The following EYA3 variants were observed in gnomAD, a reference collection of about 807,000 sequenced individuals.
The protein encoded by EYA3 is EYA transcriptional coactivator and phosphatase 3.
A neutral mutation model predicts 80.0 loss-of-function variants in EYA3; 39 were observed. The observed-to-expected ratio is 0.49, with a 90% CI of 0.38 to 0.64. EYA3 has a LOEUF of 0.64. EYA3 is among the 30% of genes least tolerant of loss of function. The pLI is 0.00. For missense variants in EYA3, 523 were observed against 676.1 expected (o/e 0.77, Z 2.51); for synonymous variants, 206 against 232.8 (o/e 0.88, Z 1.05).
Position 28,002,994 on chromosome 1 carries a change from C to T in EYA3, c.993+1342G>A, listed in dbSNP as rs181349767. On this transcript the variant is annotated intron_variant, in intron 11 of 17. Coordinates refer to ENST00000373871, the MANE Select transcript of EYA3 (RefSeq NM_001990.4). ...AATTAGGGCTGGGCGCAGTGGCTCA[C>T]GCTTGTAATCCCAGCATTTTGGGAG... Among the ~76,000 whole-genome samples the T allele has an allele frequency of 2.6e-5, 4 of 151,288 alleles. No homozygotes were observed. The East Asian group carries it at 5.9e-4, about 22-fold the overall frequency.
At chr1:28,022,177 C>T (rs904288685) in intron 7 of EYA3, among the ~76,000 whole-genome samples, 1 of 152,122 alleles carries the variant, frequency 6.6e-6, no homozygotes, top group African/African-American at 2.4e-5. Context: ...GAGACAGAGT[C>T]TCGCTCTGTC....
intron 7 of EYA3, among the ~76,000 whole-genome samples, chr1:28,018,151 G>A (rs1045094945): frequency 2.0e-5 from 3 of 151,670 alleles, no homozygotes; most frequent in East Asian, 1.9e-4. Flanking sequence ...AGCCAAAATC[G>A]CATGACTGCA....
At chr1:28,050,971 C>T (rs1338720792) in intron 2 of EYA3, among the ~76,000 whole-genome samples, 1 of 152,126 alleles carries the variant, frequency 6.6e-6, no homozygotes, top group Non-Finnish European at 1.5e-5. Flanking sequence ...ATAATGAATA[C>T]TGAAAACTAC....
intron 11 of EYA3, among the ~76,000 whole-genome samples, chr1:28,002,409 TATTTTATAAATATATATATAATTTTTTTA>T (rs1221649645): frequency 2.6e-5 from 4 of 151,100 alleles, no homozygotes; most frequent in African/African-American, 7.3e-5. Context: ...CGCCTGGTCT[TATTTTATAAATATATATATAATTTTTTTA>T]ATTTTATATA....
chr1:28,048,122 G>A (rs939041958), intron 3 of EYA3, among the ~76,000 whole-genome samples: 3 of 152,032 alleles, frequency 2.0e-5, no homozygotes, highest in African/African-American at 7.2e-5. Context: ...CCTCTATGTA[G>A]CACAGTGCCT....
chr1:27,974,476 T>C lies in EYA3; in HGVS notation c.1712A>G (p.Asp571Gly). ...TCCTCATTCCAGTTCTTAGAGAAAA[T>C]CAAGCTCTAAAGCCTGGTGAAGGGA... ...LVSLHQALEL[D>G]FL The change falls in exon 18 of 18, where the codon GAT becomes GGT. Residue 571 changes from aspartate (D) to glycine (G), a missense_variant. Coordinates refer to ENST00000373871, the MANE Select transcript of EYA3 (RefSeq NM_001990.4). 6.2e-7 allele frequency: 1 copy of C among 1,612,404 alleles called. No individual in the cohort carries two copies. The highest frequency in any genetic ancestry group is 1.1e-5 in the South Asian group (1 of 91,000).
chr1:28,071,067 C>T (rs1216592415), intron 1 of EYA3, among the ~76,000 whole-genome samples: 2 of 152,090 alleles, frequency 1.3e-5, no homozygotes, highest in East Asian at 1.9e-4. Flanking sequence ...GGATTACAGG[C>T]GCCTACCACC....
rs924410801 is a variant in EYA3 at position 28,085,155 on chromosome 1, A to G, written c.-69+3369T>C. On this transcript the variant is annotated intron_variant, in intron 1 of 17. Coordinates refer to ENST00000373871, the MANE Select transcript of EYA3 (RefSeq NM_001990.4). ...GTATACTTTGTTTCTTAAATTTTCA[A>G]AACTACATCAGCCGCCTGTGGGTGG... 7.2e-5 allele frequency among the ~76,000 whole-genome samples: 11 copies of G among 152,134 alleles called. No homozygotes were observed. The South Asian group carries it at 1.2e-3, about 17-fold the overall frequency.
chr1:28,013,061 T>A lies in EYA3; in HGVS notation c.769+50A>T, dbSNP rs757723355. Reference sequence around the variant, plus strand: ...ATCCTTACCATTGCCTAAAAACAACTGTTGGATGAAGTGACCTTAAGCCAA... The same window carrying A: ...ATCCTTACCATTGCCTAAAAACAACAGTTGGATGAAGTGACCTTAAGCCAA... On this transcript the variant is annotated intron_variant, in intron 9 of 17. Transcript: ENST00000373871. The surrounding 1 kb of genome is among the most constrained non-coding windows in gnomAD (Gnocchi z 4.0). The A allele has an allele frequency of 1.3e-6, 2 of 1,555,774 alleles. No individual in the cohort carries two copies. The highest frequency in any genetic ancestry group is 1.2e-5 in the South Asian group (1 of 84,174).
intron 1 of EYA3, among the ~76,000 whole-genome samples, chr1:28,078,911 T>G (rs554920213): frequency 1.2e-4 from 18 of 152,180 alleles, no homozygotes; most frequent in African/African-American, 4.3e-4. Context: ...ATGTGTCTCA[T>G]AATGGAACAA....
chr1:27,978,616 A>G, intron 16 of EYA3, 142 bp from the exon 17 acceptor site: 2 of 614,996 alleles, frequency 3.3e-6, no homozygotes, highest in Non-Finnish European at 5.8e-6. Flanking sequence ...GGGAGTAGGG[A>G]TGGGAGCTAG....
chr1:27,987,319 T>C (rs1234901639), intron 16 of EYA3, among the ~76,000 whole-genome samples: 10 of 152,228 alleles, frequency 6.6e-5, no homozygotes, highest in African/African-American at 2.4e-4. Context: ...CCAAATAATA[T>C]TTCACTGTAC....
At chr1:28,076,260 CTAACA>C (rs1337367629) in intron 1 of EYA3, among the ~76,000 whole-genome samples, 2 of 152,178 alleles carry the variant, frequency 1.3e-5, no homozygotes, top group Non-Finnish European at 1.5e-5. Flanking sequence ...GGAGGCATGA[CTAACA>C]TATCATAGTA....
chr1:28,057,989 C>A lies in EYA3; in HGVS notation c.33+5G>T. ...CAACTTTAAACTGTTAAAGGAAATACTTACTGGTTGCTCTGGTAAATCTTG... is the reference window on the plus strand; with the variant it reads ...CAACTTTAAACTGTTAAAGGAAATAATTACTGGTTGCTCTGGTAAATCTTG... On this transcript the variant is annotated splice_donor_5th_base_variant and intron_variant, in intron 2 of 17. Transcript: ENST00000373871. 6.3e-7 allele frequency: 1 copy of A among 1,575,268 alleles called. No homozygotes were observed. Among genetic ancestry groups the A allele is most frequent in the Non-Finnish European group, 8.7e-7 (1 of 1,153,130 alleles).
rs1224437560 is a variant in EYA3, at chr1:27,993,449, G to A, written c.1254C>T (p.Arg418=). The change falls in exon 14 of 18, where the codon CGC becomes CGT. Residue 418 remains arginine (R), a synonymous_variant. Transcript: ENST00000373871. ...CATAGATTTCTCTCACTTTCCGGTA[G>A]CGGAAAGCTAGTTTCCTCATCCAGT... ...GVDWMRKLAF[R]YRKVREIYDK... The A allele has an allele frequency of 6.2e-7, 1 of 1,613,344 alleles. No homozygotes were observed. Among genetic ancestry groups the A allele is most frequent in the Non-Finnish European group, 8.5e-7 (1 of 1,179,718 alleles).
intron 13 of EYA3, among the ~76,000 whole-genome samples, chr1:27,995,135 T>C (rs558939900): frequency 1.3e-5 from 2 of 151,838 alleles, no homozygotes; most frequent in African/African-American, 4.8e-5. Flanking sequence ...CTGGGTGTGG[T>C]GGCTCATGTC....
At position 27,988,117 on chromosome 1, in the gene EYA3, G is replaced by A. The variant is rs7515504; in HGVS notation, c.1540+418C>T. Among the ~76,000 whole-genome samples, 217 of 152,212 alleles carry A rather than the reference G, an allele frequency of 1.4e-3. 1 individual carries two copies. The highest frequency in any genetic ancestry group is 4.9e-3 in the African/African-American group (203 of 41,528). ...ACTCCTGGCCTCAAGTGATCCTCCC[G>A]TCTCAGCCTCCCAAAGTGGTGGTAA... On this transcript the variant is annotated intron_variant, in intron 16 of 17. Transcript: ENST00000373871.
intron 4 of EYA3, among the ~76,000 whole-genome samples, chr1:28,041,561 T>C (rs533986974): frequency 4.2e-5 from 6 of 142,292 alleles, no homozygotes; most frequent in South Asian, 2.2e-4. Context: ...TCAAAAAACA[T>C]AAAAAAAAAA....
rs12565238 is a variant in EYA3 at position 27,972,835 on chromosome 1, C to T, written c.*1631G>A. ...GGCACCCACCAATCTGCCCAGAGGT[C>T]GAGAGATGCTCCTGCATTTGGCCCA... On this transcript the variant is annotated 3_prime_UTR_variant, in exon 18 of 18. Transcript: ENST00000373871. 10,347 of 152,348 alleles carry T rather than the reference C, an allele frequency of 0.068. 616 individuals carry two copies. The highest frequency in any genetic ancestry group is 0.25 in the East Asian group (1,292 of 5,178). The allele number at this position is 152,348 out of a possible 1,614,324, so 9.4% of individuals were successfully genotyped here. A position where few individuals can be genotyped will look rare whatever the true frequency, so the allele number is the denominator to read the frequency against.
Sources: gnomAD v4.1 joint callset for allele counts (sites outside exome capture counted in the v4.1 genomes callset) on GRCh38, gnomAD v4.1.1 for gene constraint, Gnocchi (gnomAD v3.1) non-coding constraint, MANE v1.5 for transcripts, NCBI Gene and HGNC (gene_info 2026-07-23, HGNC 2026-07-21) for gene names.